The following STXBP5L variants were observed in gnomAD, a reference collection of about 807,000 sequenced individuals.
The protein encoded by STXBP5L is syntaxin-binding protein 5-like.
Under a neutral mutation model 144.5 loss-of-function variants are expected in STXBP5L, and 65 were observed. That is an observed-to-expected ratio of 0.45 (90% CI 0.37 to 0.55). The LOEUF (loss-of-function observed/expected upper bound fraction) is 0.55. STXBP5L is among the 20% of genes least tolerant of loss of function. The pLI, the probability that STXBP5L is intolerant of heterozygous loss-of-function variation, is 0.00. For synonymous variants in STXBP5L, 505 were observed against 469.6 expected, an observed-to-expected ratio of 1.08 and a Z score of -0.97; for missense variants, 1,298 against 1,405.5, an observed-to-expected ratio of 0.92 and a Z score of 1.22.
At chr3:121,324,543 A>G (rs2044081805) in intron 20 of STXBP5L, 1 of 699,406 alleles carries the variant, frequency 1.4e-6, no homozygotes, top group Non-Finnish European at 2.6e-6. Context: ...TAGGAATGAA[A>G]TATCAGCTAT....
At chr3:121,077,444 G>T (rs1031694725) in intron 5 of STXBP5L, among the ~76,000 whole-genome samples, 4 of 152,090 alleles carry the variant, frequency 2.6e-5, no homozygotes, top group African/African-American at 9.7e-5. Context: ...TCGTGGTCTC[G>T]CTGGCTAGGA....
intron 4 of STXBP5L, among the ~76,000 whole-genome samples, chr3:121,044,579 A>C (rs1452895261): frequency 6.6e-6 from 1 of 152,184 alleles, no homozygotes. Context: ...GAACACATTT[A>C]ATGCTCTGGA....
At chr3:121,262,473 T>C (rs1348488151) in intron 18 of STXBP5L, among the ~76,000 whole-genome samples, 1 of 151,948 alleles carries the variant, frequency 6.6e-6, no homozygotes, top group African/African-American at 2.4e-5. Flanking sequence ...CTACTAACAT[T>C]GTAAAAATTA....
chr3:121,164,751 C>A (rs1028725510), intron 9 of STXBP5L, among the ~76,000 whole-genome samples: 1 of 152,066 alleles, frequency 6.6e-6, no homozygotes, highest in Non-Finnish European at 1.5e-5. Context: ...CATAGCTGAA[C>A]CTGGAGGACA....
intron 5 of STXBP5L, among the ~76,000 whole-genome samples, chr3:121,101,078 C>T (rs1477338714): frequency 6.6e-6 from 1 of 151,652 alleles, no homozygotes; most frequent in Admixed American, 6.6e-5. Flanking sequence ...ATATCAAGTT[C>T]CAAAATTAAA....
At chr3:120,958,749 G>A (rs1248304405) in intron 3 of STXBP5L, among the ~76,000 whole-genome samples, 13 of 152,162 alleles carry the variant, frequency 8.5e-5, no homozygotes, top group African/African-American at 2.2e-4. Flanking sequence ...TTGATGGGAC[G>A]TATCTCTAAA....
intron 10 of STXBP5L, among the ~76,000 whole-genome samples, chr3:121,206,831 G>A (rs1265292625): frequency 6.6e-6 from 1 of 151,926 alleles, no homozygotes; most frequent in East Asian, 1.9e-4. Context: ...AAAAAAAGTA[G>A]CCATATCCTA....
At chr3:121,049,415 T>C (rs1016009104) in intron 5 of STXBP5L, among the ~76,000 whole-genome samples, 1 of 152,050 alleles carries the variant, frequency 6.6e-6, no homozygotes, top group African/African-American at 2.4e-5. Flanking sequence ...GGGTGGGGGC[T>C]CCTGTGTAAA....
At chr3:121,413,419 AAT>A in intron 24 of STXBP5L, 96 bp downstream of exon 24, 1 of 1,143,152 alleles carries the variant, frequency 8.7e-7, no homozygotes, top group Non-Finnish European at 1.2e-6. Flanking sequence ...GTCAGACAAT[AAT>A]TATGCCCTTC....
chr3:121,270,218 C>G (rs2050695189), intron 18 of STXBP5L, among the ~76,000 whole-genome samples: 1 of 138,422 alleles, frequency 7.2e-6, no homozygotes. Flanking sequence ...GTGTATGTTT[C>G]CTAAGAAGAA....
At position 121,420,635 on chromosome 3, in the gene STXBP5L, C is replaced by G. The variant is rs542430280; in HGVS notation, c.*1538C>G. On this transcript the variant is annotated 3_prime_UTR_variant, in exon 27 of 27. Coordinates refer to ENST00000471454, the MANE Select transcript of STXBP5L (RefSeq NM_001308330.2). ...TATATATACACATTCCAGGACCCAT[C>G]CTGTAATATGTTGTTTCGTCAAGAA... The G allele has an allele frequency of 2.6e-5, 4 of 152,184 alleles. No individual in the cohort carries two copies. In the East Asian group the frequency reaches 7.7e-4, roughly 29 times the overall value. 9.4% of individuals were successfully genotyped at this position (152,184 alleles called of 1,614,324 possible). A position where few individuals can be genotyped will look rare whatever the true frequency, so the allele number is the denominator to read the frequency against.
chr3:121,313,335 G>A (rs1312440915), intron 19 of STXBP5L, among the ~76,000 whole-genome samples: 1 of 139,966 alleles, frequency 7.1e-6, no homozygotes, highest in Admixed American at 6.9e-5. Flanking sequence ...CGGCTGGCCG[G>A]GCGGGGGGCT....
At chr3:121,411,098 A>G (rs189476433) in intron 23 of STXBP5L, among the ~76,000 whole-genome samples, 119 of 152,242 alleles carry the variant, frequency 7.8e-4, no homozygotes, top group African/African-American at 2.8e-3. Context: ...ATCTTTTAAT[A>G]TCTTTTTAAG....
At chr3:121,077,117 G>A (rs140667287) in intron 5 of STXBP5L, among the ~76,000 whole-genome samples, 65 of 152,272 alleles carry the variant, frequency 4.3e-4, no homozygotes, top group Middle Eastern at 6.8e-3. Context: ...CTCTGTCCCT[G>A]AAACAGTTTT....
intron 7 of STXBP5L, among the ~76,000 whole-genome samples, chr3:121,122,900 T>C (rs2044535055): frequency 6.6e-6 from 1 of 151,418 alleles, no homozygotes; most frequent in Admixed American, 6.6e-5. Context: ...ATGTCAAAAA[T>C]AATGAACATG....
intron 5 of STXBP5L, among the ~76,000 whole-genome samples, chr3:121,050,459 C>G (rs1187846227): frequency 2.0e-5 from 3 of 152,114 alleles, no homozygotes; most frequent in African/African-American, 2.4e-5. Flanking sequence ...AATTTTCAAC[C>G]CAGAATTTCA....
intron 9 of STXBP5L, among the ~76,000 whole-genome samples, chr3:121,175,627 A>G (rs561417919): frequency 1.3e-5 from 2 of 152,232 alleles, no homozygotes; most frequent in African/African-American, 2.4e-5. Context: ...TAAAATGCTC[A>G]ATTAAACCCA....
intron 10 of STXBP5L, among the ~76,000 whole-genome samples, chr3:121,217,501 G>A (rs552569870): frequency 8.5e-5 from 13 of 152,082 alleles, no homozygotes; most frequent in Admixed American, 4.6e-4. Flanking sequence ...CTCACCCTCC[G>A]TGGTCTGCAC....
chr3:121,191,467 G>T (rs910664487), intron 9 of STXBP5L, among the ~76,000 whole-genome samples: 1 of 152,218 alleles, frequency 6.6e-6, no homozygotes, highest in Non-Finnish European at 1.5e-5. Flanking sequence ...CAGGGAGTTT[G>T]CAGTGAGTCG....
Sources: gnomAD v4.1 joint callset for allele counts (sites outside exome capture counted in the v4.1 genomes callset) on GRCh38, gnomAD v4.1.1 for gene constraint, MANE v1.5 for transcripts, NCBI Gene and HGNC (gene_info 2026-07-23, HGNC 2026-07-21) for gene names.